GDA: variants seen among roughly 807,000 people sequenced by gnomAD.
GDA encodes cytoplasmic PSD-95 interactor.
In GDA, 18 loss-of-function variants were observed where a neutral mutation model predicts 59.6. That is an observed-to-expected ratio of 0.30 (90% CI 0.21 to 0.45). GDA has a LOEUF of 0.45. GDA is among the 20% of genes least tolerant of loss of function. The pLI, the probability that GDA is intolerant of heterozygous loss-of-function variation, is 1.00. For synonymous variants in GDA, 201 were observed against 201.1 expected (o/e 1.00, Z 0.00); for missense variants, 427 against 552.3 (o/e 0.77, Z 2.27).
chr9:72,156,052 C>A (rs532841641), intron 1 of GDA, among the ~76,000 whole-genome samples: 1 of 152,248 alleles, frequency 6.6e-6, no homozygotes, highest in South Asian at 2.1e-4. Flanking sequence ...TGGATAGAAT[C>A]AGTAGCTATT....
chr9:72,254,184 A>T (rs1018996390), downstream of GDA, among the ~76,000 whole-genome samples: 17 of 134,318 alleles, frequency 1.3e-4, no homozygotes, highest in African/African-American at 5.3e-4. Flanking sequence ...AAGTGTAATT[A>T]ATTTTTTAAA....
chr9:72,114,874 G>A (rs1284320009), intron 1 of GDA: 1 of 152,156 alleles, frequency 6.6e-6, no homozygotes, highest in African/African-American at 2.4e-5. Context: ...CCCCAAAGAG[G>A]GATGCCTAGA....
downstream of GDA, among the ~76,000 whole-genome samples, chr9:72,258,056 A>T (rs572037449): frequency 3.3e-5 from 5 of 151,972 alleles, no homozygotes; most frequent in South Asian, 1.0e-3. Context: ...CATGCCTATA[A>T]TCCTGGCAGC....
intron 1 of GDA, among the ~76,000 whole-genome samples, chr9:72,122,770 T>TC (rs1334834010): frequency 6.6e-6 from 1 of 152,034 alleles, no homozygotes; most frequent in Non-Finnish European, 1.5e-5. Flanking sequence ...ATCAGGTGCC[T>TC]CCCCCATGTC....
intron 1 of GDA, among the ~76,000 whole-genome samples, chr9:72,173,783 A>G (rs1324542750): frequency 6.6e-6 from 1 of 152,080 alleles, no homozygotes; most frequent in East Asian, 1.9e-4. Context: ...TGACTTTTAT[A>G]GTTCTGTTCT....
At chr9:72,239,454 C>T (rs760548697) in intron 10 of GDA, among the ~76,000 whole-genome samples, 2 of 152,008 alleles carry the variant, frequency 1.3e-5, no homozygotes, top group Non-Finnish European at 2.9e-5. Context: ...ATTTTTAAAA[C>T]TGCAGGTATT....
intron 1 of GDA, among the ~76,000 whole-genome samples, chr9:72,126,181 G>A (rs1374425145): frequency 1.3e-5 from 2 of 152,122 alleles, no homozygotes; most frequent in African/African-American, 2.4e-5. Context: ...GATTACGGAC[G>A]TGAGCCACTG....
At chr9:72,255,001 T>C (rs1840853057), downstream of GDA, among the ~76,000 whole-genome samples, 1 of 152,234 alleles carries the variant, frequency 6.6e-6, no homozygotes, top group Admixed American at 6.5e-5. Flanking sequence ...AAAGGCTTAA[T>C]TTATCAAAGT....
At chr9:72,191,388 G>A (rs955498632) in intron 1 of GDA, among the ~76,000 whole-genome samples, 1 of 152,008 alleles carries the variant, frequency 6.6e-6, no homozygotes, top group Non-Finnish European at 1.5e-5. Flanking sequence ...AATAGATAGT[G>A]AAATCTAACC....
Position 72,116,163 on chromosome 9 carries a change from G to T in GDA, c.-100+1330G>T, listed in dbSNP as rs373167382. 2.0e-5 allele frequency among the ~76,000 whole-genome samples: 3 copies of T among 152,024 alleles called. No homozygotes were observed. In the East Asian group the frequency reaches 5.8e-4, roughly 30 times the overall value. On this transcript the variant is annotated intron_variant, in intron 1 of 13. Transcript: ENST00000545168. Reference sequence around the variant, plus strand: ...GCAGGAGAATCACTTGAACCTGGGAGGGGGAGGTTGCGGTGAGCCGAGATC... The same window carrying T: ...GCAGGAGAATCACTTGAACCTGGGATGGGGAGGTTGCGGTGAGCCGAGATC...
At chr9:72,169,209 G>A (rs1344849014) in intron 1 of GDA, among the ~76,000 whole-genome samples, 1 of 152,212 alleles carries the variant, frequency 6.6e-6, no homozygotes, top group Admixed American at 6.5e-5. Context: ...TTGGGAAGTG[G>A]GGGAAAGCTG....
At chr9:72,123,396 G>A (rs1825735975) in intron 1 of GDA, among the ~76,000 whole-genome samples, 1 of 151,582 alleles carries the variant, frequency 6.6e-6, no homozygotes, top group African/African-American at 2.4e-5. Context: ...TGTTAGCCAG[G>A]AGGGTCTTGA....
chr9:72,213,862 A>T (rs965691075), intron 4 of GDA, 24 bp from the exon 5 acceptor site: 2 of 1,303,482 alleles, frequency 1.5e-6, no homozygotes, highest in Non-Finnish European at 2.2e-6. Flanking sequence ...ATGCCTTCAT[A>T]TTCTTTTTGT....
At chr9:72,258,387 T>C (rs968364630), downstream of GDA, among the ~76,000 whole-genome samples, 3 of 152,178 alleles carry the variant, frequency 2.0e-5, no homozygotes, top group Non-Finnish European at 4.4e-5. Flanking sequence ...ACCTGTTTTC[T>C]CTGCAGAGGC....
At chr9:72,182,440 A>G (rs1339136818) in intron 1 of GDA, among the ~76,000 whole-genome samples, 1 of 151,966 alleles carries the variant, frequency 6.6e-6, no homozygotes, top group Non-Finnish European at 1.5e-5. Context: ...ATGTTTCCTC[A>G]TGATTAGATT....
At chr9:72,207,314 C>A (rs1031801320) in intron 3 of GDA, among the ~76,000 whole-genome samples, 4 of 152,056 alleles carry the variant, frequency 2.6e-5, no homozygotes. Flanking sequence ...AATATTGAAA[C>A]TTCTGTTCTG....
chr9:72,180,404 G>A (rs989192536), intron 1 of GDA, among the ~76,000 whole-genome samples: 3 of 152,094 alleles, frequency 2.0e-5, no homozygotes, highest in Admixed American at 6.6e-5. Context: ...CTTGTGTAGG[G>A]AGTACTTTTG....
chr9:72,135,245 C>T (rs887432115), intron 1 of GDA, among the ~76,000 whole-genome samples: 1 of 149,350 alleles, frequency 6.7e-6, no homozygotes. Flanking sequence ...TGTGTGTGTG[C>T]GTTTTCAATT....
chr9:72,150,564 T>C (rs1452345364), intron 1 of GDA, among the ~76,000 whole-genome samples: 1 of 152,194 alleles, frequency 6.6e-6, no homozygotes, highest in African/African-American at 2.4e-5. Flanking sequence ...GCCATTCCAT[T>C]TTTTAGAACA....
Sources: gnomAD v4.1 joint callset for allele counts (sites outside exome capture counted in the v4.1 genomes callset) on GRCh38, gnomAD v4.1.1 for gene constraint, MANE v1.5 for transcripts, NCBI Gene and HGNC (gene_info 2026-07-23, HGNC 2026-07-21) for gene names.